Variants in NRXN3 observed in about 807,000 individuals in gnomAD.
NRXN3 encodes neurexin 3.
Under a neutral mutation model 137.6 loss-of-function variants are expected in NRXN3, and 32 were observed. The ratio of observed to expected loss-of-function variants is 0.23; its 90% CI spans 0.18 to 0.31. The LOEUF (loss-of-function observed/expected upper bound fraction) is 0.31. Ranked by LOEUF, NRXN3 falls within the 10% of genes least tolerant of loss-of-function variation. The pLI, the probability that NRXN3 is intolerant of heterozygous loss-of-function variation, is 1.00. For synonymous variants in NRXN3, 798 were observed against 784.5 expected (o/e 1.02, Z -0.29); for missense variants, 1,574 against 2,062.5 (o/e 0.76, Z 4.59).
At chr14:78,284,424 G>T (rs754531999) in intron 3 of NRXN3, among the ~76,000 whole-genome samples, 2 of 152,212 alleles carry the variant, frequency 1.3e-5, no homozygotes, top group Middle Eastern at 6.8e-3. Context: ...AAACTAAGTT[G>T]TGCCTGGACC....
At chr14:78,918,000 A>T (rs1401825844) in intron 10 of NRXN3, among the ~76,000 whole-genome samples, 1 of 150,964 alleles carries the variant, frequency 6.6e-6, no homozygotes, top group Non-Finnish European at 1.5e-5. Flanking sequence ...AAAAAAAAAA[A>T]AAAGGCCAGG....
At chr14:79,535,384 G>T (rs2097202352) in intron 16 of NRXN3, among the ~76,000 whole-genome samples, 1 of 152,170 alleles carries the variant, frequency 6.6e-6, no homozygotes, top group South Asian at 2.1e-4. Flanking sequence ...GCAAAGCATG[G>T]ATCGGTTGCA....
chr14:79,423,414 C>T (rs753569898), intron 15 of NRXN3, among the ~76,000 whole-genome samples: 13 of 152,100 alleles, frequency 8.5e-5, no homozygotes, highest in Non-Finnish European at 1.3e-4. Flanking sequence ...TTTGCTAACA[C>T]GATAATACTT....
At chr14:79,355,651 A>G (rs2093397389) in intron 15 of NRXN3, among the ~76,000 whole-genome samples, 1 of 152,230 alleles carries the variant, frequency 6.6e-6, no homozygotes, top group Admixed American at 6.5e-5. Flanking sequence ...CTTTTTAACC[A>G]TAGTGCCAAA....
chr14:79,810,553 A>G (rs572331145), intron 20 of NRXN3, among the ~76,000 whole-genome samples: 14 of 152,334 alleles, frequency 9.2e-5, no homozygotes, highest in Middle Eastern at 3.4e-3. Context: ...CCTCAAATCT[A>G]CAATATTCAC....
intron 8 of NRXN3, among the ~76,000 whole-genome samples, chr14:78,746,383 T>A (rs1397405240): frequency 2.0e-5 from 3 of 152,200 alleles, no homozygotes. Context: ...CACAAAAGCA[T>A]ACTCTTTCCC....
At chr14:79,432,864 C>T (rs903984339) in intron 15 of NRXN3, among the ~76,000 whole-genome samples, 12 of 152,174 alleles carry the variant, frequency 7.9e-5, no homozygotes, top group Admixed American at 1.3e-4. Flanking sequence ...TTCTGGTGAC[C>T]GAGTTCTCAA....
In NRXN3 at chr14:78,699,966, G is replaced by A. The variant is rs75601670; in HGVS notation, c.1222-9251G>A. Among the ~76,000 whole-genome samples the A allele has an allele frequency of 4.0e-3, 610 of 152,298 alleles. 1 individual carries two copies. Among genetic ancestry groups the A allele is most frequent in the Non-Finnish European group, 7.3e-3 (494 of 68,024 alleles). On this transcript the variant is annotated intron_variant, in intron 6 of 20. Transcript: ENST00000335750. ...TTTATGACGCTTAGTTTAGAGGATCGAAACAGTGCCATCCCTAGCAACCAG... is the reference window on the plus strand; with the variant it reads ...TTTATGACGCTTAGTTTAGAGGATCAAAACAGTGCCATCCCTAGCAACCAG...
chr14:79,834,690 A>C (rs1051464259), intron 20 of NRXN3, among the ~76,000 whole-genome samples: 3 of 152,084 alleles, frequency 2.0e-5, no homozygotes, highest in African/African-American at 7.2e-5. Flanking sequence ...GTAAGTCAAA[A>C]CCAAAACCAG....
chr14:78,422,271 T>C (rs1436124194), intron 4 of NRXN3, among the ~76,000 whole-genome samples: 1 of 152,226 alleles, frequency 6.6e-6, no homozygotes, highest in Non-Finnish European at 1.5e-5. Flanking sequence ...TGAATGCCCT[T>C]GTAACACTTC....
intron 10 of NRXN3, among the ~76,000 whole-genome samples, chr14:78,829,914 C>T (rs1416724328): frequency 6.6e-6 from 1 of 152,056 alleles, no homozygotes; most frequent in Admixed American, 6.6e-5. Context: ...AGGTAGTTTT[C>T]TAGGCAATGG....
In NRXN3 at chr14:79,026,950, TTATATATATATATATATA is replaced by T. The variant is rs764640398; in HGVS notation, c.3262+38847_3262+38864del. 2.4e-3 allele frequency among the ~76,000 whole-genome samples: 325 copies of T among 135,076 alleles called. 3 individuals carry two copies. Among genetic ancestry groups the T allele is most frequent in the African/African-American group, 9.4e-3 (311 of 32,936 alleles). The allele number at this position is 135,076 out of a possible 152,430, so 88.6% of individuals were successfully genotyped here. A position where few individuals can be genotyped will look rare whatever the true frequency, so the allele number is the denominator to read the frequency against. ...ATATATATATATAACTATTATAATT[TTATATATATATATATATA>T]TATATATATATATATATATATATAT... is the stretch of plus-strand genomic sequence containing the variant. On this transcript the variant is annotated intron_variant, in intron 15 of 20. Coordinates refer to ENST00000335750, the MANE Select transcript of NRXN3 (RefSeq NM_001330195.2).
intron 16 of NRXN3, among the ~76,000 whole-genome samples, chr14:79,484,709 T>C (rs73339498): frequency 1.3e-5 from 2 of 152,318 alleles, no homozygotes; most frequent in African/African-American, 4.8e-5. Flanking sequence ...TCACATATTA[T>C]ATGTAAACAG....
At chr14:79,097,319 T>C (rs2152829655) in intron 15 of NRXN3, among the ~76,000 whole-genome samples, 1 of 152,296 alleles carries the variant, frequency 6.6e-6, no homozygotes, top group South Asian at 2.1e-4. Flanking sequence ...CCTAGGAGTT[T>C]GGCGGCTGCT....
chr14:78,554,284 C>T (rs8011361), intron 4 of NRXN3, among the ~76,000 whole-genome samples: 104,981 of 152,000 alleles, frequency 0.69, 36,467 homozygotes, highest in East Asian at 0.71. Context: ...CACGACCAAG[C>T]GAGGTGCCAT....
At chr14:79,095,434 C>A (rs2050128375) in intron 15 of NRXN3, among the ~76,000 whole-genome samples, 1 of 152,108 alleles carries the variant, frequency 6.6e-6, no homozygotes, top group South Asian at 2.1e-4. Flanking sequence ...ACAACTGTAA[C>A]CCCTGCTTGG....
chr14:79,387,911 C>G (rs1447838148), intron 15 of NRXN3, among the ~76,000 whole-genome samples: 1 of 130,644 alleles, frequency 7.7e-6, no homozygotes, highest in Non-Finnish European at 1.5e-5. Context: ...AATGAGAACA[C>G]TTGGACACAG....
chr14:78,992,854 G>T (rs1222597132), intron 15 of NRXN3, among the ~76,000 whole-genome samples: 1 of 152,150 alleles, frequency 6.6e-6, no homozygotes, highest in East Asian at 1.9e-4. Flanking sequence ...TGGCACATGA[G>T]TCCTTAACAC....
At chr14:79,384,754 A>G (rs1407731181) in intron 15 of NRXN3, among the ~76,000 whole-genome samples, 1 of 152,180 alleles carries the variant, frequency 6.6e-6, no homozygotes, top group Non-Finnish European at 1.5e-5. Context: ...CTGATCATGG[A>G]CAAACTACTT....
Sources: allele counts gnomAD v4.1 joint callset (sites outside exome capture counted in the v4.1 genomes callset), GRCh38; gene constraint gnomAD v4.1.1; transcripts MANE v1.5; gene names NCBI Gene and HGNC (gene_info 2026-07-23, HGNC 2026-07-21).